Variants in TCF7L2 observed in about 807,000 individuals in gnomAD.
TCF7L2 encodes the protein transcription factor 7 like 2, also known as transcription factor 7-like 2.
TCF7L2 carries 23 observed loss-of-function variants against 77.9 expected under a neutral mutation model. The observed-to-expected ratio is 0.30, with a 90% confidence interval of 0.21 to 0.42. TCF7L2 has a LOEUF of 0.42. Among genes scored for constraint, TCF7L2 ranks in the 10% least tolerant of loss-of-function variants. TCF7L2 has a pLI of 1.00. For synonymous variants in TCF7L2, 413 were observed against 340.2 expected, an observed-to-expected ratio of 1.21 and a Z score of -2.36; for missense variants, 654 against 793.1, an observed-to-expected ratio of 0.82 and a Z score of 2.11.
chr10:113,156,744 T>G (rs2071991209), intron 11 of TCF7L2, among the ~76,000 whole-genome samples: 1 of 152,196 alleles, frequency 6.6e-6, no homozygotes, highest in Admixed American at 6.5e-5. Context: ...AAGAGCTTCC[T>G]TGGAGGGCTG....
intron 5 of TCF7L2, among the ~76,000 whole-genome samples, chr10:113,080,614 T>A (rs1198101136): frequency 6.6e-6 from 1 of 152,250 alleles, no homozygotes; most frequent in Non-Finnish European, 1.5e-5. Context: ...CCATTGGGAT[T>A]TCTCCTTTCA....
At chr10:112,974,209 T>C (rs1281426926) in intron 4 of TCF7L2, among the ~76,000 whole-genome samples, 1 of 152,258 alleles carries the variant, frequency 6.6e-6, no homozygotes, top group Non-Finnish European at 1.5e-5. Flanking sequence ...GTTTTAATTA[T>C]ATCATTGTAT....
chr10:113,057,346 T>G (rs2055573273), intron 5 of TCF7L2, among the ~76,000 whole-genome samples: 1 of 152,222 alleles, frequency 6.6e-6, no homozygotes, highest in Non-Finnish European at 1.5e-5. Context: ...ACTTTTTGTA[T>G]TTTTAGTAAA....
chr10:113,154,551 T>C (rs1488279331), intron 11 of TCF7L2, among the ~76,000 whole-genome samples: 1 of 151,862 alleles, frequency 6.6e-6, no homozygotes, highest in Admixed American at 6.6e-5. Flanking sequence ...CCCCCTGGAG[T>C]TGTGCAGGGT....
chr10:113,039,955 T>C (rs918196110), intron 4 of TCF7L2, 70 bp from the exon 5 acceptor site: 1 of 1,335,504 alleles, frequency 7.5e-7, no homozygotes, highest in Non-Finnish European at 1.1e-6. Context: ...AGTTATTTCT[T>C]GGGCTAGTTG....
At chr10:113,118,654 GTTTTTTTTTGTTTTT>G (rs138109530) in intron 5 of TCF7L2, among the ~76,000 whole-genome samples, 55,308 of 127,820 alleles carry the variant, frequency 0.43, 11,268 homozygotes, top group African/African-American at 0.51. Flanking sequence ...TTTTTTTTTT[GTTTTTTTTTGTTTTT>G]TTTTTTTTGT....
At chr10:112,985,859 T>TG (rs2041403111) in intron 4 of TCF7L2, among the ~76,000 whole-genome samples, 1 of 130,658 alleles carries the variant, frequency 7.7e-6, no homozygotes, top group Non-Finnish European at 1.6e-5. Flanking sequence ...AAGCCTGTAG[T>TG]TTGTGTGTGT....
chr10:113,026,809 T>G (rs899324772), intron 4 of TCF7L2, among the ~76,000 whole-genome samples: 21 of 152,184 alleles, frequency 1.4e-4, no homozygotes, highest in Admixed American at 8.5e-4. Flanking sequence ...GGATTACAAA[T>G]AAACCAAAGC....
chr10:113,075,049 C>T (rs1214609482), intron 5 of TCF7L2, among the ~76,000 whole-genome samples: 2 of 152,168 alleles, frequency 1.3e-5, no homozygotes, highest in African/African-American at 4.8e-5. Context: ...GCTCTGTTGT[C>T]CAGATCATAA....
intron 4 of TCF7L2, among the ~76,000 whole-genome samples, chr10:112,999,381 T>C (rs905175593): frequency 7.2e-5 from 11 of 152,270 alleles, no homozygotes; most frequent in South Asian, 6.2e-4. Context: ...AACAAGTCTG[T>C]GTGCTTCCAA....
intron 5 of TCF7L2, among the ~76,000 whole-genome samples, chr10:113,112,279 G>A (rs1327751895): frequency 6.6e-6 from 1 of 152,252 alleles, no homozygotes; most frequent in Non-Finnish European, 1.5e-5. Context: ...TTAGGAAAGA[G>A]GTAGAGGCTG....
At chr10:113,132,046 A>G (rs902129635) in intron 5 of TCF7L2, 1 of 152,230 alleles carries the variant, frequency 6.6e-6, no homozygotes, top group African/African-American at 2.4e-5. Context: ...AAGGATGCCC[A>G]TGTTTGGGAT....
chr10:113,137,718 G>T (rs937180246), intron 5 of TCF7L2, among the ~76,000 whole-genome samples: 13 of 152,242 alleles, frequency 8.5e-5, no homozygotes, highest in Admixed American at 2.6e-4. Context: ...AAGTTAATCT[G>T]TGATTGGCTT....
In TCF7L2 at chr10:113,151,654, C is replaced by T. The variant is rs536661361; in HGVS notation, c.1002-71C>T. ...TTGGGGGTTATGAGACAAGGAGATA[C>T]GTTCCCTGCCATGGAGGAAGTTGGA... On this transcript the variant is annotated intron_variant, in intron 9 of 13. Coordinates refer to ENST00000627217, the MANE Select transcript of TCF7L2 (RefSeq NM_001146274.2). This position sits in a 1 kb window ranked among gnomAD's most constrained non-coding sequence, Gnocchi z 5.2. The T allele has an allele frequency of 2.5e-5, 37 of 1,508,108 alleles. No individual in the cohort carries two copies. Among genetic ancestry groups the T allele is most frequent in the African/African-American group, 9.8e-5 (7 of 71,360 alleles). 93.4% of individuals were successfully genotyped at this position (1,508,108 alleles called of 1,614,324 possible).
intron 4 of TCF7L2, among the ~76,000 whole-genome samples, chr10:113,036,217 G>A (rs139191403): frequency 4.3e-4 from 66 of 151,970 alleles, no homozygotes; most frequent in African/African-American, 1.5e-3. Flanking sequence ...AGAGCCCCCA[G>A]TAGCAGCTGT....
intron 13 of TCF7L2, among the ~76,000 whole-genome samples, chr10:113,163,356 C>T (rs775839832): frequency 6.6e-6 from 1 of 152,210 alleles, no homozygotes; most frequent in Non-Finnish European, 1.5e-5. Context: ...CATCTTTTCA[C>T]TCTGCCCTAA....
chr10:112,981,097 T>C (rs1201052279), intron 4 of TCF7L2, among the ~76,000 whole-genome samples: 1 of 152,218 alleles, frequency 6.6e-6, no homozygotes, highest in Non-Finnish European at 1.5e-5. Flanking sequence ...CAGTATGTTT[T>C]AGGCAGCCTG....
chr10:113,108,159 C>G (rs1591788407), intron 5 of TCF7L2, among the ~76,000 whole-genome samples: 1 of 152,112 alleles, frequency 6.6e-6, no homozygotes, highest in African/African-American at 2.4e-5. Flanking sequence ...ATGTTTTTAG[C>G]TGGAGGTAGA....
intron 5 of TCF7L2, among the ~76,000 whole-genome samples, chr10:113,047,917 C>T (rs1030020758): frequency 6.6e-6 from 1 of 152,066 alleles, no homozygotes; most frequent in East Asian, 1.9e-4. Flanking sequence ...TCGGGGCTAG[C>T]GTTTCCTGAC....
Sources: allele counts gnomAD v4.1 joint callset (sites outside exome capture counted in the v4.1 genomes callset), GRCh38; gene constraint gnomAD v4.1.1; non-coding constraint Gnocchi (gnomAD v3.1); transcripts MANE v1.5; gene names NCBI Gene and HGNC (gene_info 2026-07-23, HGNC 2026-07-21).